ULK4: variants seen among roughly 807,000 people sequenced by gnomAD.
The protein encoded by ULK4 is inactive serine/threonine-protein kinase ULK4.
A neutral mutation model predicts 160.6 loss-of-function variants in ULK4; 133 were observed. The observed-to-expected ratio is 0.83, with a 90% CI of 0.72 to 0.96. The LOEUF (loss-of-function observed/expected upper bound fraction) is 0.96, where lower values mean the gene tolerates loss of function less well. Ranked by LOEUF, ULK4 falls within the 40% of genes least tolerant of loss-of-function variation. The pLI is 0.00. For synonymous variants in ULK4, 534 were observed against 539.8 expected, an observed-to-expected ratio of 0.99 and a Z score of 0.15; for missense variants, 1,580 against 1,499.5, an observed-to-expected ratio of 1.05 and a Z score of -0.89.
intron 30 of ULK4, among the ~76,000 whole-genome samples, chr3:41,663,016 T>A (rs543226352): frequency 5.3e-5 from 8 of 151,070 alleles, no homozygotes; most frequent in Non-Finnish European, 1.0e-4. Context: ...AGGTCAGGAG[T>A]TCGAGACCAG....
At chr3:41,254,951 A>C (rs1390199927) in intron 35 of ULK4, among the ~76,000 whole-genome samples, 2 of 152,064 alleles carry the variant, frequency 1.3e-5, no homozygotes, top group Admixed American at 6.5e-5. Flanking sequence ...CAAACTGGGA[A>C]GAAAACAAGA....
At chr3:41,896,660 A>G (rs941558030) in intron 15 of ULK4, among the ~76,000 whole-genome samples, 162 bp downstream of exon 15, 5 of 152,222 alleles carry the variant, frequency 3.3e-5, no homozygotes, top group South Asian at 2.1e-4. Flanking sequence ...ACTGTCATCT[A>G]CTTTAGGACC....
At chr3:41,378,806 T>C in intron 35 of ULK4, among the ~76,000 whole-genome samples, 1 of 147,950 alleles carries the variant, frequency 6.8e-6, no homozygotes, top group South Asian at 2.1e-4. Flanking sequence ...AATAAAATAA[T>C]AAAAAATAAA....
At chr3:41,881,939 G>A (rs1697536837) in intron 17 of ULK4, among the ~76,000 whole-genome samples, 1 of 152,158 alleles carries the variant, frequency 6.6e-6, no homozygotes, top group African/African-American at 2.4e-5. Context: ...GTGAGAACAG[G>A]TAACAAATAT....
At chr3:41,853,692 G>T (rs895781541) in intron 17 of ULK4, among the ~76,000 whole-genome samples, 6 of 152,132 alleles carry the variant, frequency 3.9e-5, no homozygotes, top group African/African-American at 1.2e-4. Context: ...ACAAGCCAAA[G>T]CAACAGTTTT....
intron 21 of ULK4, among the ~76,000 whole-genome samples, chr3:41,780,632 G>A (rs957182732): frequency 6.6e-6 from 1 of 152,138 alleles, no homozygotes; most frequent in Non-Finnish European, 1.5e-5. Context: ...GGGTAGGTAT[G>A]GGAGCCACCT....
chr3:41,796,469 G>A (rs772530135), intron 20 of ULK4, among the ~76,000 whole-genome samples: 5 of 152,072 alleles, frequency 3.3e-5, no homozygotes, highest in Non-Finnish European at 4.4e-5. Context: ...GCATGCACCT[G>A]TAATCCCAGC....
chr3:41,343,392 C>T (rs924145981), intron 35 of ULK4, among the ~76,000 whole-genome samples: 124 of 149,476 alleles, frequency 8.3e-4, no homozygotes, highest in Non-Finnish European at 2.2e-4. Flanking sequence ...GCAGCCTCTG[C>T]CTCCCGGGTT....
At chr3:41,802,696 G>A (rs1019251150) in intron 19 of ULK4, among the ~76,000 whole-genome samples, 1 of 152,096 alleles carries the variant, frequency 6.6e-6, no homozygotes, top group East Asian at 1.9e-4. Flanking sequence ...AGGCTAGAAG[G>A]AGAATACTAG....
intron 34 of ULK4, among the ~76,000 whole-genome samples, chr3:41,455,097 G>C (rs750497001): frequency 3.7e-4 from 56 of 152,142 alleles, no homozygotes; most frequent in South Asian, 6.3e-4. Flanking sequence ...TGAGATTGAG[G>C]GGGTGGGCCC....
intron 12 of ULK4, among the ~76,000 whole-genome samples, chr3:41,902,486 G>A (rs1420991908): frequency 6.6e-6 from 1 of 151,232 alleles, no homozygotes; most frequent in Non-Finnish European, 1.5e-5. Flanking sequence ...GCTGAGGCAG[G>A]AGAATCGCTT....
chr3:41,484,505 T>G (rs895522296), intron 32 of ULK4, among the ~76,000 whole-genome samples: 1 of 142,888 alleles, frequency 7.0e-6, no homozygotes, highest in African/African-American at 2.6e-5. Context: ...CAGGCTGGAG[T>G]GCAGTGGTGC....
At chr3:41,393,870 A>T (rs1481169886) in intron 35 of ULK4, among the ~76,000 whole-genome samples, 1 of 152,152 alleles carries the variant, frequency 6.6e-6, no homozygotes, top group African/African-American at 2.4e-5. Flanking sequence ...TCGAAGGAGG[A>T]TGGGCTGGAG....
chr3:41,576,173 C>T (rs904385549), intron 31 of ULK4, among the ~76,000 whole-genome samples: 5 of 152,266 alleles, frequency 3.3e-5, no homozygotes, highest in Middle Eastern at 3.4e-3. Context: ...CTGCCACTGT[C>T]GAAAAGTAAA....
intron 32 of ULK4, among the ~76,000 whole-genome samples, chr3:41,534,102 G>A (rs371165844): frequency 6.6e-6 from 1 of 152,198 alleles, no homozygotes; most frequent in Non-Finnish European, 1.5e-5. Context: ...CACCTTGCTC[G>A]GCCGAAAGTA....
chr3:41,756,526 T>TA (rs996236033), intron 21 of ULK4, among the ~76,000 whole-genome samples: 5 of 151,674 alleles, frequency 3.3e-5, no homozygotes, highest in South Asian at 2.1e-4. Flanking sequence ...CATGAAGAAG[T>TA]AAAAAAAGGA....
At chr3:41,723,477 T>A (rs1321550684) in intron 22 of ULK4, among the ~76,000 whole-genome samples, 1 of 152,100 alleles carries the variant, frequency 6.6e-6, no homozygotes, top group African/African-American at 2.4e-5. Context: ...TGGGTTGAGG[T>A]GGGAATCTAA....
At chr3:41,415,153 A>G (rs1429185761) in intron 34 of ULK4, among the ~76,000 whole-genome samples, 11 of 152,232 alleles carry the variant, frequency 7.2e-5, no homozygotes, top group Non-Finnish European at 1.2e-4. Flanking sequence ...ACTCATTTAA[A>G]AAGTCAAAAT....
chr3:41,387,315 G>C (rs1011784365), intron 35 of ULK4, among the ~76,000 whole-genome samples: 1 of 151,924 alleles, frequency 6.6e-6, no homozygotes, highest in South Asian at 2.1e-4. Flanking sequence ...ATCCTACAAC[G>C]GTATAGAATG....
Sources: gnomAD v4.1 joint callset for allele counts (sites outside exome capture counted in the v4.1 genomes callset) on GRCh38, gnomAD v4.1.1 for gene constraint, MANE v1.5 for transcripts, NCBI Gene and HGNC (gene_info 2026-07-23, HGNC 2026-07-21) for gene names.